The following JPH3 variants were observed in gnomAD, a reference collection of about 807,000 sequenced individuals.
The protein encoded by JPH3 is junctophilin 3.
JPH3 carries 11 observed loss-of-function variants against 59.6 expected under a neutral mutation model. The ratio of observed to expected loss-of-function variants is 0.18; its 90% CI spans 0.12 to 0.31. The LOEUF is 0.31. JPH3 is among the 10% of genes least tolerant of loss of function. The pLI is 1.00. For synonymous variants in JPH3, 673 were observed against 483.6 expected, an observed-to-expected ratio of 1.39 and a Z score of -5.14; for missense variants, 1,202 against 1,105.7, an observed-to-expected ratio of 1.09 and a Z score of -1.24.
chr16:87,677,185 T>TATATATACACACACACACACAC (rs1491266129), intron 2 of JPH3, among the ~76,000 whole-genome samples: 3 of 95,158 alleles, frequency 3.2e-5, no homozygotes, highest in African/African-American at 1.4e-4. Flanking sequence ...TATATATATA[T>TATATATACACACACACACACAC]ACACACACAC....
chr16:87,667,860 A>G (rs919375282), intron 2 of JPH3, among the ~76,000 whole-genome samples: 1 of 151,964 alleles, frequency 6.6e-6, no homozygotes, highest in Non-Finnish European at 1.5e-5. Context: ...ACCCCTTTAA[A>G]ATGCAAAACC....
chr16:87,660,224 C>A (rs906619710), intron 2 of JPH3, among the ~76,000 whole-genome samples: 2 of 152,122 alleles, frequency 1.3e-5, no homozygotes, highest in African/African-American at 4.8e-5. Context: ...AGGCCAATGG[C>A]GTCCCTCTGA....
At chr16:87,677,814 C>T (rs1254981917) in intron 2 of JPH3, among the ~76,000 whole-genome samples, 1 of 152,242 alleles carries the variant, frequency 6.6e-6, no homozygotes. Context: ...GCTCCTGTCT[C>T]CACGAACCAC....
intron 1 of JPH3, among the ~76,000 whole-genome samples, chr16:87,643,821 C>G (rs1490659398): frequency 6.6e-6 from 1 of 151,310 alleles, no homozygotes; most frequent in Non-Finnish European, 1.5e-5. Context: ...CTGTCTGCCT[C>G]CACGCAAACC....
In JPH3 at chr16:87,603,521, G is replaced by C; in HGVS notation, c.375G>C (p.Ser125=). ...ACGGCTACGGGACCGAGACCTACTCGGACGGAGGTAGGTGCCGCGGGCCGG... is the reference window on the plus strand; with the variant it reads ...ACGGCTACGGGACCGAGACCTACTCCGACGGAGGTAGGTGCCGCGGGCCGG... The part of the protein sequence containing the change: ...LQDGYGTETY[S]DGGTYQGQWV... The change falls in exon 1 of 5, where the codon TCG becomes TCC. Residue 125 remains serine (S), a synonymous_variant. Transcript: ENST00000284262. The C allele has an allele frequency of 1.3e-6, 2 of 1,548,860 alleles. No homozygotes were observed. Among genetic ancestry groups the C allele is most frequent in the Non-Finnish European group, 1.7e-6 (2 of 1,146,962 alleles).
intron 4 of JPH3, among the ~76,000 whole-genome samples, chr16:87,692,242 G>A (rs180934379): frequency 8.0e-6 from 1 of 124,434 alleles, no homozygotes; most frequent in East Asian, 2.4e-4. Flanking sequence ...CAGCTTTGGA[G>A]CTGTGTTTTC....
At chr16:87,695,337 G>A (rs538490867) in intron 4 of JPH3, 5 of 456,118 alleles carry the variant, frequency 1.1e-5, no homozygotes, top group East Asian at 1.4e-4. Context: ...TCTGTTAACA[G>A]GGAGGGGGAG....
At position 87,646,391 on chromosome 16, in the gene JPH3, A is replaced by C. The variant is rs77073568; in HGVS notation, c.1160+1356A>C. Among the ~76,000 whole-genome samples, 131 of 152,366 alleles carry C rather than the reference A, an allele frequency of 8.6e-4. 1 individual carries two copies. Among genetic ancestry groups the C allele is most frequent in the African/African-American group, 3.1e-3 (127 of 41,588 alleles). On this transcript the variant is annotated intron_variant, in intron 2 of 4. Transcript: ENST00000284262. ...AATTACTACCTGACACCGAGGTCCA[A>C]ACTCGCTGTTTGCCCCTCCCTGCTC...
At chr16:87,679,274 A>G (rs1260720147) in intron 2 of JPH3, among the ~76,000 whole-genome samples, 1 of 141,188 alleles carries the variant, frequency 7.1e-6, no homozygotes, top group Non-Finnish European at 1.5e-5. Context: ...TTAAATGAAA[A>G]ATGGGGCTGA....
At chr16:87,684,966 C>G (rs753204029) in intron 3 of JPH3, among the ~76,000 whole-genome samples, 1 of 152,188 alleles carries the variant, frequency 6.6e-6, no homozygotes, top group South Asian at 2.1e-4. Flanking sequence ...CACCAGGAGG[C>G]CCCAGAGAAT....
At chr16:87,661,564 G>C (rs1035167569) in intron 2 of JPH3, among the ~76,000 whole-genome samples, 4 of 152,252 alleles carry the variant, frequency 2.6e-5, no homozygotes, top group African/African-American at 9.6e-5. Context: ...ACTGTCCAGG[G>C]AGGCTGGGGG....
At chr16:87,605,835 A>G (rs923597555) in intron 1 of JPH3, among the ~76,000 whole-genome samples, 2 of 152,222 alleles carry the variant, frequency 1.3e-5, no homozygotes, top group Non-Finnish European at 2.9e-5. Context: ...GAAGAAGCCC[A>G]GATTGTCAAC....
At chr16:87,613,400 A>G (rs1033951260) in intron 1 of JPH3, among the ~76,000 whole-genome samples, 4 of 151,910 alleles carry the variant, frequency 2.6e-5, no homozygotes, top group Non-Finnish European at 5.9e-5. Flanking sequence ...AGCTCACTGC[A>G]GCCTCTGCTT....
At chr16:87,645,982 C>T (rs1215295890) in intron 2 of JPH3, among the ~76,000 whole-genome samples, 1 of 152,232 alleles carries the variant, frequency 6.6e-6, no homozygotes, top group Non-Finnish European at 1.5e-5. Flanking sequence ...CCGGCATTTG[C>T]TTTCCTGGGC....
At chr16:87,669,911 G>A (rs1256931585) in intron 2 of JPH3, among the ~76,000 whole-genome samples, 1 of 152,154 alleles carries the variant, frequency 6.6e-6, no homozygotes, top group Non-Finnish European at 1.5e-5. Context: ...GGTGAGGGCC[G>A]GACTGCACAT....
Position 87,644,622 on chromosome 16 carries a change from C to T in JPH3, c.747C>T (p.Gly249=), listed in dbSNP as rs144295273. Residue 249 remains glycine, a synonymous_variant, in exon 2 of 5, where the codon GGC becomes GGT. Coordinates refer to ENST00000284262, the MANE Select transcript of JPH3 (RefSeq NM_020655.4). ...AGAGCTCCTTTCGCAGCGAGGCGGGCATGAGCACCGTCAGCTCCACGGCCA... is the reference window on the plus strand; with the variant it reads ...AGAGCTCCTTTCGCAGCGAGGCGGGTATGAGCACCGTCAGCTCCACGGCCA... ...SKQSSFRSEA[G]MSTVSSTASD... 5 of 1,612,372 alleles carry T rather than the reference C, an allele frequency of 3.1e-6. No individual in the cohort carries two copies. The highest frequency in any genetic ancestry group is 2.2e-5 in the East Asian group (1 of 44,866).
chr16:87,678,654 C>T (rs2033210767), intron 2 of JPH3, among the ~76,000 whole-genome samples: 1 of 152,234 alleles, frequency 6.6e-6, no homozygotes, highest in South Asian at 2.1e-4. Flanking sequence ...TGGCAACTCA[C>T]TTCCAACTTC....
intron 2 of JPH3, among the ~76,000 whole-genome samples, chr16:87,647,113 A>T (rs112477178): frequency 6.6e-6 from 1 of 151,734 alleles, no homozygotes; most frequent in African/African-American, 2.4e-5. Context: ...GGGGCATCCA[A>T]CCTCTTCCTG....
rs149647215 is a variant in JPH3 at position 87,644,281 on chromosome 16, G to C, written c.406G>C (p.Gly136Arg). The C allele has an allele frequency of 2.5e-6, 4 of 1,610,654 alleles. No individual in the cohort carries two copies. In the African/African-American group the frequency reaches 5.3e-5, roughly 21 times the overall value. ...AGGGACCTACCAGGGCCAGTGGGTCGGTGGCATGCGCCAGGGCTACGGCGT... is the reference window on the plus strand; with the variant it reads ...AGGGACCTACCAGGGCCAGTGGGTCCGTGGCATGCGCCAGGGCTACGGCGT... ...DGGTYQGQWV[G>R]GMRQGYGVRQ... is the part of the protein sequence containing the mutation. The change falls in exon 2 of 5, where the codon GGT becomes CGT. Residue 136 changes from glycine to arginine, a missense_variant. Gly to Arg is a moderately radical substitution (Grantham distance 125). Transcript: ENST00000284262.
Sources: allele counts gnomAD v4.1 joint callset (sites outside exome capture counted in the v4.1 genomes callset), GRCh38; gene constraint gnomAD v4.1.1; transcripts MANE v1.5; gene names NCBI Gene and HGNC (gene_info 2026-07-23, HGNC 2026-07-21).